Variants in GRK3 observed in about 807,000 individuals in gnomAD.
GRK3 encodes adrenergic, beta, receptor kinase 2.
A neutral mutation model predicts 95.7 loss-of-function variants in GRK3; 54 were observed. The ratio of observed to expected loss-of-function variants is 0.56; its 90% confidence interval spans 0.45 to 0.71. The LOEUF (loss-of-function observed/expected upper bound fraction) is 0.71. GRK3 is among the 30% of genes least tolerant of loss of function. GRK3 has a pLI of 0.00. For missense variants in GRK3, 649 were observed against 851.2 expected (o/e 0.76, Z 2.96); for synonymous variants, 281 against 290.8 (o/e 0.97, Z 0.34).
intron 2 of GRK3, among the ~76,000 whole-genome samples, chr22:25,631,899 G>GAGT (rs2084666755): frequency 6.6e-6 from 1 of 152,184 alleles, no homozygotes; most frequent in African/African-American, 2.4e-5. Context: ...TTGCACGTAT[G>GAGT]AGTAGTTCAT....
rs866991741 is a variant in GRK3 at position 25,668,176 on chromosome 22, C to T, written c.503+376C>T. 3.3e-5 allele frequency among the ~76,000 whole-genome samples: 5 copies of T among 152,324 alleles called. No individual in the cohort carries two copies. In the Middle Eastern group the frequency reaches 0.01, roughly 311 times the overall value. ...TCTCCCAAAGCAGGACAAGCCTGTA[C>T]TTGATTCTTCATGTAGGAGTAGAAT... On this transcript the variant is annotated intron_variant, in intron 6 of 20. Coordinates refer to ENST00000324198, the MANE Select transcript of GRK3 (RefSeq NM_005160.4).
chr22:25,678,117 C>T (rs2085046301), intron 8 of GRK3, among the ~76,000 whole-genome samples: 1 of 152,096 alleles, frequency 6.6e-6, no homozygotes, highest in Non-Finnish European at 1.5e-5. Context: ...TTTTGTTGAT[C>T]ATCACTGTTT....
In GRK3 at chr22:25,565,119, C is replaced by G; in HGVS notation, c.79C>G (p.Arg27Gly). The G allele has an allele frequency of 6.5e-7, 1 of 1,549,354 alleles. No homozygotes were observed. Among genetic ancestry groups the G allele is most frequent in the Non-Finnish European group, 8.7e-7 (1 of 1,151,588 alleles). The change falls in exon 1 of 21, where the codon CGC becomes GGC. Residue 27 changes from arginine (R) to glycine (G), a missense_variant. By Grantham distance (125) the Arg-to-Gly change is moderately radical (BLOSUM62 -2). Around this residue, in one of 3 missense-constraint regions of GRK3, gnomAD observed 206 missense variants for 231.4 expected, o/e 0.89. Transcript: ENST00000324198. ...GAAGAGCAAGGCGACCCCGGCCGCC[C>G]GCGCCAGCAAGAGGATCGTCCTGCC... ...MEKSKATPAA[R>G]ASKRIVLPEP...
chr22:25,652,179 A>C (rs1483606850), intron 3 of GRK3, among the ~76,000 whole-genome samples: 2 of 152,184 alleles, frequency 1.3e-5, no homozygotes, highest in East Asian at 1.9e-4. Context: ...TCACGCCTGT[A>C]ATCTCAGCAC....
At chr22:25,598,736 C>T (rs1354907549) in intron 1 of GRK3, among the ~76,000 whole-genome samples, 1 of 151,488 alleles carries the variant, frequency 6.6e-6, no homozygotes, top group Non-Finnish European at 1.5e-5. Context: ...TTACTGCAGT[C>T]CCTTTTGAAA....
At chr22:25,706,435 TGTCA>T (rs1365077254) in intron 15 of GRK3, among the ~76,000 whole-genome samples, 2 of 152,254 alleles carry the variant, frequency 1.3e-5, no homozygotes, top group African/African-American at 2.4e-5. Context: ...CCTGCTTTGC[TGTCA>T]GTCACTGCCC....
At chr22:25,705,992 C>T (rs993622854) in intron 15 of GRK3, among the ~76,000 whole-genome samples, 1 of 152,090 alleles carries the variant, frequency 6.6e-6, no homozygotes, top group African/African-American at 2.4e-5. Context: ...GCTTGGAGAC[C>T]ACCCTTTATT....
chr22:25,646,048 G>T (rs768985403), intron 3 of GRK3, among the ~76,000 whole-genome samples: 2 of 152,144 alleles, frequency 1.3e-5, no homozygotes, highest in African/African-American at 4.8e-5. Flanking sequence ...AGTACAAAGG[G>T]AGCCCTTTTT....
At chr22:25,640,701 T>TA (rs1006694986) in intron 2 of GRK3, among the ~76,000 whole-genome samples, 16 of 152,332 alleles carry the variant, frequency 1.1e-4, no homozygotes, top group African/African-American at 3.4e-4. Flanking sequence ...GTTCTTAACT[T>TA]ACATTTTATA....
chr22:25,615,885 C>T (rs2084534148), intron 2 of GRK3, among the ~76,000 whole-genome samples: 2 of 147,210 alleles, frequency 1.4e-5, no homozygotes, highest in East Asian at 2.0e-4. Flanking sequence ...GAGGAGGGGC[C>T]GAGCCCCTGT....
At chr22:25,594,880 AAAAT>A (rs1569157526) in intron 1 of GRK3, among the ~76,000 whole-genome samples, 4 of 152,224 alleles carry the variant, frequency 2.6e-5, no homozygotes, top group Admixed American at 2.0e-4. Flanking sequence ...CTCCATCTCA[AAAAT>A]AAATAAATAA....
At chr22:25,669,388 G>A (rs1282370712) in intron 6 of GRK3, among the ~76,000 whole-genome samples, 2 of 152,184 alleles carry the variant, frequency 1.3e-5, no homozygotes, top group Non-Finnish European at 2.9e-5. Context: ...TGAGAGCTAT[G>A]CGCCTCATTC....
At chr22:25,600,454 C>T (rs990087554) in intron 1 of GRK3, among the ~76,000 whole-genome samples, 26 of 152,090 alleles carry the variant, frequency 1.7e-4, no homozygotes, top group Admixed American at 6.5e-5. Flanking sequence ...CTGCAGGTTG[C>T]ATCTGGGTAT....
At chr22:25,595,084 G>A (rs934260525) in intron 1 of GRK3, among the ~76,000 whole-genome samples, 1 of 152,004 alleles carries the variant, frequency 6.6e-6, no homozygotes, top group African/African-American at 2.4e-5. Flanking sequence ...AGCAAAAGCT[G>A]GAAGCATTCC....
chr22:25,607,416 A>G (rs1448692331), intron 2 of GRK3, among the ~76,000 whole-genome samples: 205 of 147,650 alleles, frequency 1.4e-3, no homozygotes, highest in African/African-American at 4.0e-3. Flanking sequence ...ATTGTAATTG[A>G]TGATAATATT....
chr22:25,705,202 T>C (rs1391861725), intron 15 of GRK3, among the ~76,000 whole-genome samples: 1 of 152,204 alleles, frequency 6.6e-6, no homozygotes, highest in African/African-American at 2.4e-5. Flanking sequence ...ACTGTCTCTG[T>C]AGCCTTCCCT....
rs187515351 is a variant in GRK3 at position 25,687,086 on chromosome 22, C to T, written c.827-451C>T. Among the ~76,000 whole-genome samples the T allele has an allele frequency of 3.3e-5, 5 of 151,712 alleles. No homozygotes were observed. The East Asian group carries it at 5.8e-4, about 18-fold the overall frequency. ...CCACCCACCTCAGCCTCCCAAAGTG[C>T]TGGGATTATAGGCATGAGCCACTGT... On this transcript the variant is annotated intron_variant, in intron 10 of 20. Coordinates refer to ENST00000324198, the MANE Select transcript of GRK3 (RefSeq NM_005160.4).
At chr22:25,620,276 G>A (rs765782144) in intron 2 of GRK3, among the ~76,000 whole-genome samples, 3 of 151,960 alleles carry the variant, frequency 2.0e-5, no homozygotes, top group Non-Finnish European at 4.4e-5. Flanking sequence ...CACATAGCCC[G>A]CGAAAAAGCT....
chr22:25,705,620 T>C (rs998974575), intron 15 of GRK3, among the ~76,000 whole-genome samples: 1 of 152,140 alleles, frequency 6.6e-6, no homozygotes, highest in Non-Finnish European at 1.5e-5. Flanking sequence ...TCTCTCTCTC[T>C]CTCTCTCAAA....
Sources: allele counts gnomAD v4.1 joint callset (sites outside exome capture counted in the v4.1 genomes callset), GRCh38; gene constraint gnomAD v4.1.1; regional missense constraint gnomAD v4.1.1; transcripts MANE v1.5; gene names NCBI Gene and HGNC (gene_info 2026-07-23, HGNC 2026-07-21).